Variants in PTPN2 observed in about 807,000 individuals in gnomAD.
The protein encoded by PTPN2 is protein tyrosine phosphatase non-receptor type 2, also known as tyrosine-protein phosphatase non-receptor type 2.
Under a neutral mutation model 57.3 loss-of-function variants are expected in PTPN2, and 19 were observed. The observed-to-expected ratio is 0.33, with a 90% CI of 0.23 to 0.49. PTPN2 has a LOEUF of 0.49. Ranked by LOEUF, PTPN2 falls within the 20% of genes least tolerant of loss-of-function variation. PTPN2 has a pLI of 0.99. For synonymous variants in PTPN2, 153 were observed against 164.9 expected, an observed-to-expected ratio of 0.93 and a Z score of 0.55; for missense variants, 358 against 501.1, an observed-to-expected ratio of 0.71 and a Z score of 2.73.
chr18:12,875,497 C>A (rs1165308712), intron 1 of PTPN2, among the ~76,000 whole-genome samples: 1 of 149,050 alleles, frequency 6.7e-6, no homozygotes, highest in East Asian at 2.0e-4. Flanking sequence ...TCACTCTTAT[C>A]CAAAGTAAGG....
chr18:12,794,561 G>A (rs2041095064), intron 8 of PTPN2, 76 bp from the exon 9 acceptor site: 4 of 1,530,182 alleles, frequency 2.6e-6, no homozygotes, highest in Admixed American at 2.0e-5. Context: ...GAGGACCTAG[G>A]CGCAAATAAA....
At chr18:12,844,392 A>G (rs1256328127) in intron 2 of PTPN2, among the ~76,000 whole-genome samples, 1 of 152,216 alleles carries the variant, frequency 6.6e-6, no homozygotes, top group African/African-American at 2.4e-5. Flanking sequence ...ACCAGTTTAC[A>G]TTCCCACCAC....
At chr18:12,813,553 A>G (rs2041968686) in intron 7 of PTPN2, among the ~76,000 whole-genome samples, 1 of 152,198 alleles carries the variant, frequency 6.6e-6, no homozygotes, top group Non-Finnish European at 1.5e-5. Flanking sequence ...ATGTTCACAC[A>G]TGAGAAACAT....
chr18:12,842,822 G>C (rs1157159886), intron 2 of PTPN2, among the ~76,000 whole-genome samples: 1 of 152,144 alleles, frequency 6.6e-6, no homozygotes, highest in African/African-American at 2.4e-5. Flanking sequence ...ATTTAAGTCA[G>C]CAAGTATTCA....
intron 1 of PTPN2, chr18:12,862,156 C>CTTTTTTTTTTTTTTTTTTTTT (rs71174145): frequency 6.9e-6 from 1 of 144,186 alleles, no homozygotes; most frequent in Non-Finnish European, 1.5e-5. Context: ...CTTTCTCTTT[C>CTTTTTTTTTTTTTTTTTTTTT]TTTTTTTTTT....
intron 7 of PTPN2, among the ~76,000 whole-genome samples, chr18:12,804,209 T>C (rs942812248): frequency 6.8e-6 from 1 of 147,172 alleles, no homozygotes; most frequent in Non-Finnish European, 1.5e-5. Flanking sequence ...TAAGAATCAC[T>C]TGAACCCGGG....
chr18:12,854,297 T>G (rs1168235137), intron 2 of PTPN2, among the ~76,000 whole-genome samples: 1 of 145,910 alleles, frequency 6.9e-6, no homozygotes, highest in Admixed American at 7.0e-5. Context: ...GAGGCGGAGG[T>G]TGCAGTGAGC....
chr18:12,856,626 T>G (rs761277275), intron 2 of PTPN2, among the ~76,000 whole-genome samples: 1 of 152,222 alleles, frequency 6.6e-6, no homozygotes, highest in East Asian at 1.9e-4. Context: ...AGAGTCTCCC[T>G]GCAGCCTTCA....
downstream of PTPN2, among the ~76,000 whole-genome samples, chr18:12,789,345 T>A (rs763758021): frequency 9.7e-4 from 148 of 152,268 alleles, 2 homozygotes; most frequent in Middle Eastern, 0.017. Flanking sequence ...GTGGAACAGG[T>A]CAACTCCAGA....
intron 7 of PTPN2, among the ~76,000 whole-genome samples, chr18:12,806,680 A>C (rs2041663018): frequency 6.6e-6 from 1 of 152,186 alleles, no homozygotes; most frequent in African/African-American, 2.4e-5. Flanking sequence ...AGATGCCAAG[A>C]ATATACACTG....
At chr18:12,871,654 C>T (rs1257607309) in intron 1 of PTPN2, among the ~76,000 whole-genome samples, 1 of 151,996 alleles carries the variant, frequency 6.6e-6, no homozygotes, top group East Asian at 1.9e-4. Flanking sequence ...TCCTTTTTCA[C>T]TCTGTTGATT....
intron 1 of PTPN2, among the ~76,000 whole-genome samples, chr18:12,875,146 A>G (rs556119129): frequency 1.3e-4 from 20 of 152,192 alleles, no homozygotes; most frequent in Non-Finnish European, 1.9e-4. Flanking sequence ...CCCTAATCTC[A>G]AGTACCCAGG....
downstream of PTPN2, among the ~76,000 whole-genome samples, chr18:12,789,505 T>C (rs1300809140): frequency 1.3e-5 from 2 of 152,206 alleles, no homozygotes; most frequent in Non-Finnish European, 2.9e-5. Flanking sequence ...TAGCTGTTGG[T>C]GTATCAATGG....
At chr18:12,790,592 C>G (rs373893740), downstream of PTPN2, among the ~76,000 whole-genome samples, 1 of 152,016 alleles carries the variant, frequency 6.6e-6, no homozygotes, top group Non-Finnish European at 1.5e-5. Context: ...TAGGGTAATA[C>G]GTAAAGAAAA....
At chr18:12,840,323 A>T (rs2043001811) in intron 2 of PTPN2, among the ~76,000 whole-genome samples, 1 of 152,270 alleles carries the variant, frequency 6.6e-6, no homozygotes, top group African/African-American at 2.4e-5. Flanking sequence ...TCTCTCTCAT[A>T]AATCGAGCAA....
At chr18:12,851,032 G>C (rs532716112) in intron 2 of PTPN2, among the ~76,000 whole-genome samples, 1 of 152,036 alleles carries the variant, frequency 6.6e-6, no homozygotes, top group East Asian at 1.9e-4. Flanking sequence ...GAGCCACAGC[G>C]CCCAGCCAGG....
At chr18:12,876,315 A>AAGAAGAAGAAGAAGAAGAAGAAAT (rs1555681239) in intron 1 of PTPN2, among the ~76,000 whole-genome samples, 15 of 150,894 alleles carry the variant, frequency 9.9e-5, no homozygotes, top group African/African-American at 3.7e-4. Context: ...GAAGAAGAAG[A>AAGAAGAAGAAGAAGAAGAAGAAAT]AATTTGTCAG....
At chr18:12,830,701 C>T (rs971820398) in intron 4 of PTPN2, among the ~76,000 whole-genome samples, 4 of 152,154 alleles carry the variant, frequency 2.6e-5, no homozygotes, top group African/African-American at 9.7e-5. Flanking sequence ...CTATATGTCA[C>T]TGCTAGTCCA....
At chr18:12,875,826 A>T (rs1424012419) in intron 1 of PTPN2, among the ~76,000 whole-genome samples, 2 of 152,236 alleles carry the variant, frequency 1.3e-5, no homozygotes, top group Non-Finnish European at 2.9e-5. Context: ...AAGGTAGCTA[A>T]AAGAACAGCA....
Sources: gnomAD v4.1 joint callset for allele counts (sites outside exome capture counted in the v4.1 genomes callset) on GRCh38, gnomAD v4.1.1 for gene constraint, MANE v1.5 for transcripts, NCBI Gene and HGNC (gene_info 2026-07-23, HGNC 2026-07-21) for gene names.